WLS: variants seen among roughly 807,000 people sequenced by gnomAD.
WLS encodes the protein Wnt ligand secretion mediator, also known as protein wntless homolog.
WLS carries 23 observed loss-of-function variants against 62.8 expected under a neutral mutation model. The observed-to-expected ratio is 0.37, with a 90% confidence interval of 0.26 to 0.52. The LOEUF (loss-of-function observed/expected upper bound fraction) is 0.52. Among genes scored for constraint, WLS ranks in the 20% least tolerant of loss-of-function variants. The pLI, the probability that WLS is intolerant of heterozygous loss-of-function variation, is 0.92. For missense variants in WLS, 615 were observed against 697.3 expected, an observed-to-expected ratio of 0.88 and a Z score of 1.33; for synonymous variants, 246 against 244.1, an observed-to-expected ratio of 1.01 and a Z score of -0.07.
chr1:68,225,748 C>T (rs1041587878), intron 1 of WLS, among the ~76,000 whole-genome samples: 2 of 152,132 alleles, frequency 1.3e-5, no homozygotes, highest in Non-Finnish European at 2.9e-5. Context: ...TTTCTCAATT[C>T]CTCCACCATC....
intron 2 of WLS, among the ~76,000 whole-genome samples, chr1:68,191,501 A>G (rs868369722): frequency 6.6e-6 from 1 of 152,170 alleles, no homozygotes; most frequent in South Asian, 2.1e-4. Flanking sequence ...TATTCTTATT[A>G]TAGCACATAA....
chr1:68,168,054 G>A (rs1647086814), intron 2 of WLS, among the ~76,000 whole-genome samples: 1 of 152,116 alleles, frequency 6.6e-6, no homozygotes, highest in Admixed American at 6.5e-5. Flanking sequence ...TTTTTCTGCA[G>A]GCAAGTGGAA....
intron 4 of WLS, among the ~76,000 whole-genome samples, 164 bp from the exon 5 acceptor site, chr1:68,153,817 C>G (rs576267993): frequency 3.3e-5 from 5 of 152,300 alleles, no homozygotes; most frequent in Admixed American, 2.6e-4. Flanking sequence ...CACCCTTGGA[C>G]TCTCCTCAGA....
At chr1:68,161,923 C>T (rs1396238227) in intron 2 of WLS, 9 of 1,610,718 alleles carry the variant, frequency 5.6e-6, no homozygotes, top group Non-Finnish European at 5.9e-6. Context: ...GCCCACGATG[C>T]CTGGCGGATA....
At chr1:68,177,229 C>T (rs1253646182) in intron 2 of WLS, among the ~76,000 whole-genome samples, 1 of 152,286 alleles carries the variant, frequency 6.6e-6, no homozygotes, top group Non-Finnish European at 1.5e-5. Flanking sequence ...ATGGGGCATA[C>T]CCTCATCGGG....
At chr1:68,100,144 C>G (rs1420744114) in intron 11 of WLS, among the ~76,000 whole-genome samples, 3 of 152,220 alleles carry the variant, frequency 2.0e-5, no homozygotes, top group Non-Finnish European at 4.4e-5. Flanking sequence ...TTCATCAATT[C>G]TAATCTGTTT....
At chr1:68,132,613 G>A (rs947566497) in intron 11 of WLS, among the ~76,000 whole-genome samples, 3 of 152,148 alleles carry the variant, frequency 2.0e-5, no homozygotes, top group South Asian at 2.1e-4. Flanking sequence ...TTTGCTCCCC[G>A]CAGAGTGGGT....
chr1:68,187,879 T>G (rs1259571409), intron 2 of WLS, among the ~76,000 whole-genome samples: 1 of 152,232 alleles, frequency 6.6e-6, no homozygotes, highest in African/African-American at 2.4e-5. Context: ...CTAAACATAT[T>G]TATCCTTTTT....
At chr1:68,127,723 T>A (rs1316730299) in intron 11 of WLS, among the ~76,000 whole-genome samples, 1 of 151,758 alleles carries the variant, frequency 6.6e-6, no homozygotes. Context: ...AGCATAGAAT[T>A]AAGTAACTAA....
At chr1:68,222,787 G>A (rs1037794856) in intron 1 of WLS, among the ~76,000 whole-genome samples, 5 of 151,920 alleles carry the variant, frequency 3.3e-5, no homozygotes, top group African/African-American at 1.2e-4. Flanking sequence ...CCACCAAAGT[G>A]TATGGATACA....
Position 68,137,946 on chromosome 1 carries a change from G to C in WLS, c.1363-13C>G. On this transcript the variant is annotated splice_polypyrimidine_tract_variant and intron_variant, in intron 10 of 11. Coordinates refer to ENST00000262348, the MANE Select transcript of WLS (RefSeq NM_024911.7). ...GGCCTTCCGTTACCTGCGGAGAAAG[G>C]ATGGTGATATTCAATTGAAACAGAG... 6.2e-7 allele frequency: 1 copy of C among 1,613,576 alleles called. No homozygotes were observed. The highest frequency in any genetic ancestry group is 8.5e-7 in the Non-Finnish European group (1 of 1,179,690).
chr1:68,160,071 C>CTTT (rs58448910), intron 2 of WLS, among the ~76,000 whole-genome samples: 1,126 of 92,758 alleles, frequency 0.012, 24 homozygotes, highest in Admixed American at 0.022. Context: ...GCAGAGAAGT[C>CTTT]TTTTTTTTTT....
intron 1 of WLS, among the ~76,000 whole-genome samples, chr1:68,198,742 A>G (rs1648821606): frequency 6.6e-6 from 1 of 152,250 alleles, no homozygotes; most frequent in Admixed American, 6.5e-5. Flanking sequence ...TGAATGTTAT[A>G]TGTAACCTGA....
intron 8 of WLS, 111 bp from the exon 9 acceptor site, chr1:68,146,123 A>G: frequency 4.7e-6 from 6 of 1,283,992 alleles, no homozygotes; most frequent in Non-Finnish European, 5.3e-6. Context: ...CCAAATATGT[A>G]GAAAATTTTC....
At chr1:68,150,592 C>G (rs1430755) in intron 5 of WLS, among the ~76,000 whole-genome samples, 34,867 of 152,092 alleles carry the variant, frequency 0.23, 4,638 homozygotes, top group African/African-American at 0.36. Context: ...TAATGCCTCA[C>G]ACTTTACTTT....
chr1:68,115,166 TC>T (rs1190589910), intron 11 of WLS, among the ~76,000 whole-genome samples: 2 of 152,212 alleles, frequency 1.3e-5, no homozygotes, highest in Non-Finnish European at 2.9e-5. Context: ...AGGAGGTCCC[TC>T]TGGGGCTCCT....
chr1:68,199,787 C>T (rs1278641391), intron 1 of WLS, among the ~76,000 whole-genome samples: 1 of 152,126 alleles, frequency 6.6e-6, no homozygotes, highest in African/African-American at 2.4e-5. Context: ...TTTATGACAC[C>T]TATCTCTGCC....
chr1:68,150,125 G>A (rs1327830409), intron 6 of WLS, 63 bp downstream of exon 6: 6 of 1,552,496 alleles, frequency 3.9e-6, no homozygotes, highest in Non-Finnish European at 8.8e-7. Flanking sequence ...GGGGGCAGGT[G>A]TCAGCTTGGC....
chr1:68,215,918 G>T (rs1290879978), intron 1 of WLS, among the ~76,000 whole-genome samples: 1 of 152,176 alleles, frequency 6.6e-6, no homozygotes, highest in East Asian at 1.9e-4. Context: ...ATTTACCCTG[G>T]GGTTCTAAAG....
Sources: allele counts gnomAD v4.1 joint callset (sites outside exome capture counted in the v4.1 genomes callset), GRCh38; gene constraint gnomAD v4.1.1; transcripts MANE v1.5; gene names NCBI Gene and HGNC (gene_info 2026-07-23, HGNC 2026-07-21).